Variants in SLC9A2 observed in about 807,000 individuals in gnomAD.
SLC9A2 encodes solute carrier family 9 member A2, also known as sodium/hydrogen exchanger 2.
A neutral mutation model predicts 71.7 loss-of-function variants in SLC9A2; 42 were observed. The ratio of observed to expected loss-of-function variants is 0.59; its 90% CI spans 0.46 to 0.76. The LOEUF (loss-of-function observed/expected upper bound fraction) is 0.76. Among genes scored for constraint, SLC9A2 ranks in the 30% least tolerant of loss-of-function variants. The pLI is 0.00. For missense variants in SLC9A2, 829 were observed against 1,017.4 expected (o/e 0.81, Z 2.52); for synonymous variants, 396 against 392.5 (o/e 1.01, Z -0.10).
chr2:102,619,693 C>T lies in SLC9A2; in HGVS notation c.-156C>T. On this transcript the variant is annotated 5_prime_UTR_variant, in exon 1 of 12. Transcript: ENST00000233969. The surrounding 1 kb of genome is among the most constrained non-coding windows in gnomAD (Gnocchi z 4.3). ...CTGCTCGCAGCGAGGACCTAGCCCTCTGGTTGCAGAGACCCGGTGCCGCAG... is the reference window on the plus strand; with the variant it reads ...CTGCTCGCAGCGAGGACCTAGCCCTTTGGTTGCAGAGACCCGGTGCCGCAG... 6.8e-6 allele frequency: 4 copies of T among 586,326 alleles called. No individual in the cohort carries two copies. The highest frequency in any genetic ancestry group is 1.1e-5 in the Non-Finnish European group (4 of 369,162). The allele number at this position is 586,326 out of a possible 1,614,324, so 36.3% of individuals were successfully genotyped here.
Position 102,688,534 on chromosome 2 carries a change from T to C in SLC9A2, c.1425+4198T>C, listed in dbSNP as rs183439554. Among the ~76,000 whole-genome samples the C allele has an allele frequency of 3.1e-3, 466 of 152,138 alleles. 1 individual carries two copies. Among genetic ancestry groups the C allele is most frequent in the African/African-American group, 0.011 (440 of 41,510 alleles). ...CACGAGGTCAGGAGATCAAGACCAT[T>C]CTGGCCAACATGGTGAAACCCTGTC... is the stretch of plus-strand genomic sequence containing the variant. On this transcript the variant is annotated intron_variant, in intron 5 of 11. Transcript: ENST00000233969.
In SLC9A2 at chr2:102,711,111, C is replaced by T. The variant is rs1668245374; in HGVS notation, c.*2622C>T. On this transcript the variant is annotated 3_prime_UTR_variant, in exon 12 of 12. Coordinates refer to ENST00000233969, the MANE Select transcript of SLC9A2 (RefSeq NM_003048.6). ...TTGCTCAGCTTTATGGTGGGGTGTACTGTTTTATCTGGGCGGTGAGGGTAT... is the reference window on the plus strand; with the variant it reads ...TTGCTCAGCTTTATGGTGGGGTGTATTGTTTTATCTGGGCGGTGAGGGTAT... 1 of 152,256 alleles carries T rather than the reference C, an allele frequency of 6.6e-6. No homozygotes were observed. The highest frequency in any genetic ancestry group is 1.5e-5 in the Non-Finnish European group (1 of 68,026). 9.4% of individuals were successfully genotyped at this position (152,256 alleles called of 1,614,324 possible). A position where few individuals can be genotyped will look rare whatever the true frequency, so the allele number is the denominator to read the frequency against.
chr2:102,621,934 G>A (rs1676148014), intron 1 of SLC9A2, among the ~76,000 whole-genome samples: 1 of 152,170 alleles, frequency 6.6e-6, no homozygotes, highest in African/African-American at 2.4e-5. Context: ...CAGGTAGAAG[G>A]GATGGTTTAC....
At chr2:102,638,222 G>GCCTT (rs1330720133) in intron 1 of SLC9A2, among the ~76,000 whole-genome samples, 4 of 152,098 alleles carry the variant, frequency 2.6e-5, no homozygotes, top group Non-Finnish European at 5.9e-5. Context: ...TTTGCTTCTT[G>GCCTT]TCTTTATACC....
chr2:102,649,638 A>G (rs542591650), intron 1 of SLC9A2, among the ~76,000 whole-genome samples: 1 of 151,670 alleles, frequency 6.6e-6, no homozygotes, highest in South Asian at 2.1e-4. Flanking sequence ...AAAAACAAAC[A>G]ACCCCATCAA....
intron 1 of SLC9A2, 150 bp from the exon 2 acceptor site, chr2:102,657,414 A>T: frequency 1.6e-6 from 1 of 608,978 alleles, no homozygotes; most frequent in Non-Finnish European, 2.9e-6. Context: ...TCTGGTTTGC[A>T]CTGTAATCTG....
chr2:102,702,646 C>T (rs1191679520), intron 9 of SLC9A2, 144 bp downstream of exon 9: 9 of 593,840 alleles, frequency 1.5e-5, no homozygotes, highest in Non-Finnish European at 2.1e-5. Context: ...CTGCTTCTCT[C>T]CATCCCTCTT....
chr2:102,619,880 G>C lies in SLC9A2; in HGVS notation c.32G>C (p.Arg11Pro), dbSNP rs1245555158. MEPLGNWRSL[R>P]APLPPMLLLL... is the part of the protein sequence containing the mutation. ...CCACTGGGCAACTGGAGGAGCCTGCGGGCGCCACTGCCTCCGATGCTGTTG... is the reference window on the plus strand; with the variant it reads ...CCACTGGGCAACTGGAGGAGCCTGCCGGCGCCACTGCCTCCGATGCTGTTG... Residue 11 changes from arginine to proline, a missense_variant, in exon 1 of 12, where the codon CGG (arginine) becomes CCG (proline). Coordinates refer to ENST00000233969, the MANE Select transcript of SLC9A2 (RefSeq NM_003048.6). The surrounding 1 kb of genome is among the most constrained non-coding windows in gnomAD (Gnocchi z 4.3). 2 of 1,559,844 alleles carry C rather than the reference G, an allele frequency of 1.3e-6. No individual in the cohort carries two copies. Among genetic ancestry groups the C allele is most frequent in the African/African-American group, 2.7e-5 (2 of 73,740 alleles).
chr2:102,688,482 C>T (rs938130888), intron 5 of SLC9A2, among the ~76,000 whole-genome samples: 5 of 152,192 alleles, frequency 3.3e-5, no homozygotes, highest in Non-Finnish European at 7.3e-5. Context: ...GTAATTCCAG[C>T]ACTTTGGGAG....
chr2:102,670,812 T>C (rs1284551398), intron 3 of SLC9A2, among the ~76,000 whole-genome samples: 2 of 151,196 alleles, frequency 1.3e-5, no homozygotes, highest in East Asian at 1.9e-4. Flanking sequence ...ATAATTGTCA[T>C]CTGTTTAACA....
intron 1 of SLC9A2, among the ~76,000 whole-genome samples, chr2:102,646,503 C>G (rs1369143462): frequency 3.9e-5 from 6 of 152,036 alleles, no homozygotes; most frequent in African/African-American, 1.4e-4. Context: ...AAGACACAGA[C>G]TGGAAAATTG....
chr2:102,671,407 T>C (rs1280741691), intron 3 of SLC9A2, among the ~76,000 whole-genome samples: 1 of 152,078 alleles, frequency 6.6e-6, no homozygotes, highest in Non-Finnish European at 1.5e-5. Context: ...AATTAAGTGA[T>C]ACAAAAACAA....
intron 5 of SLC9A2, among the ~76,000 whole-genome samples, chr2:102,684,742 C>T (rs1015655184): frequency 2.6e-5 from 4 of 152,286 alleles, no homozygotes; most frequent in Non-Finnish European, 4.4e-5. Context: ...GATGAATGCA[C>T]GTTTAATATT....
intron 1 of SLC9A2, among the ~76,000 whole-genome samples, chr2:102,632,768 A>G (rs1028717054): frequency 2.6e-5 from 4 of 152,214 alleles, no homozygotes; most frequent in Non-Finnish European, 5.9e-5. Context: ...CAAACTCACA[A>G]TACATTTAGA....
intron 7 of SLC9A2, among the ~76,000 whole-genome samples, chr2:102,700,279 A>G (rs771114812): frequency 1.3e-4 from 20 of 152,312 alleles, no homozygotes; most frequent in Middle Eastern, 6.8e-3. Context: ...AGCTGGAGAT[A>G]CAAATCTGGG....
intron 3 of SLC9A2, among the ~76,000 whole-genome samples, chr2:102,680,667 A>G (rs1350850587): frequency 2.0e-5 from 3 of 152,192 alleles, no homozygotes; most frequent in Admixed American, 2.0e-4. Context: ...AATGGCCTCA[A>G]AGATGTCCCC....
At chr2:102,684,385 A>G (rs1199675919) in intron 5 of SLC9A2, 49 bp downstream of exon 5, 12 of 1,528,182 alleles carry the variant, frequency 7.9e-6, no homozygotes, top group Non-Finnish European at 1.1e-5. Context: ...ATCGTTCAGA[A>G]TATTGGATTC....
At chr2:102,650,293 G>A (rs1215915992) in intron 1 of SLC9A2, among the ~76,000 whole-genome samples, 1 of 152,062 alleles carries the variant, frequency 6.6e-6, no homozygotes, top group Non-Finnish European at 1.5e-5. Context: ...CACAGAGAGG[G>A]CCTTGAACAT....
chr2:102,668,690 G>C (rs951215643), intron 3 of SLC9A2, among the ~76,000 whole-genome samples: 1 of 152,222 alleles, frequency 6.6e-6, no homozygotes, highest in African/African-American at 2.4e-5. Flanking sequence ...AGGCAGAGAG[G>C]ACAGGCACCT....
Sources: allele counts gnomAD v4.1 joint callset (sites outside exome capture counted in the v4.1 genomes callset), GRCh38; gene constraint gnomAD v4.1.1; non-coding constraint Gnocchi (gnomAD v3.1); transcripts MANE v1.5; gene names NCBI Gene and HGNC (gene_info 2026-07-23, HGNC 2026-07-21).